Variants in COL23A1 observed in about 807,000 individuals in gnomAD.
COL23A1 encodes collagen alpha-1(XXIII) chain.
In COL23A1, 97 loss-of-function variants were observed where a neutral mutation model predicts 99.3. That is an observed-to-expected ratio of 0.98 (90% CI 0.83 to 1.16). The LOEUF (loss-of-function observed/expected upper bound fraction) is 1.16. COL23A1 is among the 50% of genes most tolerant of loss of function. The pLI is 0.00. For synonymous variants in COL23A1, 320 were observed against 308.2 expected, an observed-to-expected ratio of 1.04 and a Z score of -0.40; for missense variants, 762 against 757.4, an observed-to-expected ratio of 1.01 and a Z score of -0.07.
chr5:178,302,252 T>C (rs1195867289), intron 3 of COL23A1, among the ~76,000 whole-genome samples: 2 of 124,020 alleles, frequency 1.6e-5, no homozygotes, highest in East Asian at 4.4e-4. Flanking sequence ...TCCACCTCTG[T>C]GTGCGCCGGA....
intron 6 of COL23A1, 77 bp downstream of exon 6, chr5:178,270,260 G>A: frequency 6.4e-7 from 1 of 1,561,684 alleles, no homozygotes; most frequent in South Asian, 1.1e-5. Context: ...CTTCCCTCCA[G>A]TGCCTGCTGG....
intron 2 of COL23A1, among the ~76,000 whole-genome samples, chr5:178,517,557 G>GTTTTTTTTTTTTTTCTTTT (rs35787274): frequency 2.4e-5 from 2 of 84,964 alleles, no homozygotes; most frequent in African/African-American, 1.2e-4. Flanking sequence ...GGTGACAGCA[G>GTTTTTTTTTTTTTTCTTTT]TTTTTTTTTT....
intron 2 of COL23A1, among the ~76,000 whole-genome samples, chr5:178,394,680 G>A (rs1207151800): frequency 2.6e-5 from 4 of 152,148 alleles, no homozygotes; most frequent in African/African-American, 7.2e-5. Context: ...AGAGGGGACT[G>A]CTGATGGTCT....
intron 2 of COL23A1, among the ~76,000 whole-genome samples, chr5:178,369,669 C>T (rs919310106): frequency 6.6e-6 from 1 of 152,118 alleles, no homozygotes; most frequent in Non-Finnish European, 1.5e-5. Flanking sequence ...TCCCTGCACA[C>T]GCTCCTCTCT....
chr5:178,562,533 C>T (rs4452575), intron 1 of COL23A1: 50,510 of 144,872 alleles, frequency 0.35, 9,306 homozygotes, highest in African/African-American at 0.49. Flanking sequence ...CCAGCCTGGG[C>T]GACAGAGAGA....
intron 2 of COL23A1, among the ~76,000 whole-genome samples, chr5:178,539,512 C>A (rs1168466457): frequency 8.0e-6 from 1 of 124,734 alleles, no homozygotes. Flanking sequence ...CGCCATTGCA[C>A]TCCGGCCTGG....
chr5:178,466,498 T>A (rs2647701), intron 2 of COL23A1, among the ~76,000 whole-genome samples: 2 of 152,166 alleles, frequency 1.3e-5, no homozygotes, highest in African/African-American at 2.4e-5. Context: ...GGTCTGCGCA[T>A]CCCTGGCCTT....
intron 27 of COL23A1, among the ~76,000 whole-genome samples, chr5:178,241,443 C>A (rs1764393369): frequency 1.3e-5 from 2 of 152,200 alleles, no homozygotes; most frequent in South Asian, 4.1e-4. Context: ...GCACAGCCAG[C>A]CAGAGAGGTC....
chr5:178,343,864 T>C (rs904671600), intron 2 of COL23A1, among the ~76,000 whole-genome samples: 12 of 152,118 alleles, frequency 7.9e-5, no homozygotes, highest in African/African-American at 2.7e-4. Flanking sequence ...AGTTTCACCA[T>C]GTTGGCCAGG....
At chr5:178,245,105 C>A (rs1764605158) in intron 25 of COL23A1, among the ~76,000 whole-genome samples, 1 of 146,908 alleles carries the variant, frequency 6.8e-6, no homozygotes, top group African/African-American at 2.5e-5. Flanking sequence ...CCATCCATCC[C>A]TCCACTGCCA....
chr5:178,467,555 C>A (rs1236408239), intron 2 of COL23A1, among the ~76,000 whole-genome samples: 2 of 152,126 alleles, frequency 1.3e-5, no homozygotes, highest in Non-Finnish European at 2.9e-5. Context: ...GAGGGAACCA[C>A]AGAGAGGAGG....
rs1426497161 is a variant in COL23A1, at chr5:178,357,756, GTGTACGTGTATGTATGTGTGTA to G, written c.362-50859_362-50838del. Among the ~76,000 whole-genome samples the G allele has an allele frequency of 2.0e-5, 3 of 146,930 alleles. No individual in the cohort carries two copies. The East Asian group carries it at 6.2e-4, about 30-fold the overall frequency. ...TGTGTGTATGTACGTGTATGTGTGTGTGTACGTGTATGTATGTGTGTATGTGTATGTGTGTGTGTATGTGTGT... is the reference window on the plus strand; with the variant it reads ...TGTGTGTATGTACGTGTATGTGTGTGTGTGTATGTGTGTGTGTATGTGTGT... On this transcript the variant is annotated intron_variant, in intron 2 of 28. Coordinates refer to ENST00000390654, the MANE Select transcript of COL23A1 (RefSeq NM_173465.4).
rs973314831 is a variant in COL23A1 at position 178,415,782 on chromosome 5, G to A, written c.362-108863C>T. On this transcript the variant is annotated intron_variant, in intron 2 of 28. Transcript: ENST00000390654. The surrounding 1 kb of genome is among the most constrained non-coding windows in gnomAD (Gnocchi z 4.6). ...CCCACAGAGAGCTCCCAGCCTAGCG[G>A]GAGGTAGACAGGCAAACAAGAAAGA... is the stretch of plus-strand genomic sequence containing the variant. Among the ~76,000 whole-genome samples the A allele has an allele frequency of 5.3e-5, 8 of 152,176 alleles. No individual in the cohort carries two copies. The highest frequency in any genetic ancestry group is 8.8e-5 in the Non-Finnish European group (6 of 68,030).
rs1202433897 is a variant in COL23A1, at chr5:178,281,657, TACCCGC to T, written c.441+6661_441+6666del. On this transcript the variant is annotated intron_variant, in intron 5 of 28. Coordinates refer to ENST00000390654, the MANE Select transcript of COL23A1 (RefSeq NM_173465.4). The surrounding 1 kb of genome is among the most constrained non-coding windows in gnomAD (Gnocchi z 4.0). ...CCAGCAAATTAGTGCAACCGCCTCC[TACCCGC>T]ACCCCTTCCTCCAGTTTCTGCCCTG... Among the ~76,000 whole-genome samples, 1 of 152,216 alleles carries T rather than the reference TACCCGC, an allele frequency of 6.6e-6. No homozygotes were observed. The highest frequency in any genetic ancestry group is 6.5e-5 in the Admixed American group (1 of 15,280).
intron 2 of COL23A1, chr5:178,352,064 G>T (rs982015286): frequency 6.6e-6 from 1 of 152,240 alleles, no homozygotes; most frequent in Admixed American, 6.5e-5. Flanking sequence ...GTGGGATTTT[G>T]TTGTGGCAGC....
At chr5:178,376,614 T>C (rs1350248661) in intron 2 of COL23A1, among the ~76,000 whole-genome samples, 1 of 152,262 alleles carries the variant, frequency 6.6e-6, no homozygotes, top group Non-Finnish European at 1.5e-5. Context: ...TCCTGCAAGT[T>C]AGGCCTCTTA....
At chr5:178,473,882 C>T (rs1051036134) in intron 2 of COL23A1, among the ~76,000 whole-genome samples, 1 of 152,174 alleles carries the variant, frequency 6.6e-6, no homozygotes, top group Admixed American at 6.5e-5. Flanking sequence ...GCTGAACAAC[C>T]AGACCAGATT....
intron 8 of COL23A1, 112 bp downstream of exon 8, chr5:178,267,195 C>T (rs921111992): frequency 7.3e-6 from 9 of 1,240,626 alleles, no homozygotes; most frequent in Admixed American, 3.7e-5. Context: ...CTCTTGGCCT[C>T]TTTCTGTGAT....
intron 2 of COL23A1, among the ~76,000 whole-genome samples, chr5:178,474,709 A>T (rs1354086838): frequency 6.6e-6 from 1 of 152,218 alleles, no homozygotes; most frequent in Non-Finnish European, 1.5e-5. Context: ...CAGTTTAGGT[A>T]CAGGGGATTC....
Sources: allele counts gnomAD v4.1 joint callset (sites outside exome capture counted in the v4.1 genomes callset), GRCh38; gene constraint gnomAD v4.1.1; non-coding constraint Gnocchi (gnomAD v3.1); transcripts MANE v1.5; gene names NCBI Gene and HGNC (gene_info 2026-07-23, HGNC 2026-07-21).